Variants in NAALADL2 observed in about 807,000 individuals in gnomAD.
The protein encoded by NAALADL2 is N-acetylated alpha-linked acidic dipeptidase like 2.
Under a neutral mutation model 87.2 loss-of-function variants are expected in NAALADL2, and 76 were observed. That is an observed-to-expected ratio of 0.87 (90% CI 0.72 to 1.05). NAALADL2 has a LOEUF of 1.05. NAALADL2 is among the 50% of genes least tolerant of loss of function. The pLI is 0.00. For synonymous variants in NAALADL2, 354 were observed against 331.0 expected, an observed-to-expected ratio of 1.07 and a Z score of -0.75; for missense variants, 1,089 against 945.8, an observed-to-expected ratio of 1.15 and a Z score of -1.99.
intron 2 of NAALADL2, among the ~76,000 whole-genome samples, chr3:174,728,408 C>T (rs1018272833): frequency 6.6e-6 from 1 of 152,008 alleles, no homozygotes. Context: ...TATTAGGATA[C>T]ACATTGAGAA....
At chr3:174,701,955 T>C (rs1312231550) in intron 2 of NAALADL2, among the ~76,000 whole-genome samples, 1 of 152,194 alleles carries the variant, frequency 6.6e-6, no homozygotes. Context: ...AATAAACACA[T>C]AGGAATAGAA....
At chr3:174,949,567 T>C (rs1740012773) in intron 1 of NAALADL2, among the ~76,000 whole-genome samples, 1 of 152,202 alleles carries the variant, frequency 6.6e-6, no homozygotes, top group Non-Finnish European at 1.5e-5. Flanking sequence ...CACACTACAT[T>C]GACTTTAGTT....
chr3:174,546,907 C>T (rs901716312), intron 1 of NAALADL2, among the ~76,000 whole-genome samples: 2 of 152,086 alleles, frequency 1.3e-5, no homozygotes, highest in Non-Finnish European at 2.9e-5. Flanking sequence ...AATATTGTAT[C>T]TTGTTTCCTG....
chr3:175,737,350 G>A lies in NAALADL2; in HGVS notation c.1941G>A (p.Leu647=). 6.2e-7 allele frequency: 1 copy of A among 1,611,652 alleles called. No individual in the cohort carries two copies. Among genetic ancestry groups the A allele is most frequent in the Non-Finnish European group, 8.5e-7 (1 of 1,178,156 alleles). ...TGCAAATTGCCAACGAACCTGTTCT[G>A]CCCTTTAATGCACTTGATATAGCTT... ...VILQIANEPV[L]PFNALDIALE... The change falls in exon 12 of 14, where the codon CTG becomes CTA. Residue 647 remains leucine, a synonymous_variant. Coordinates refer to ENST00000454872, the MANE Select transcript of NAALADL2 (RefSeq NM_207015.3).
chr3:174,939,093 C>T (rs765876301), intron 1 of NAALADL2, among the ~76,000 whole-genome samples: 1 of 152,034 alleles, frequency 6.6e-6, no homozygotes, highest in Non-Finnish European at 1.5e-5. Context: ...ATTCCTATAT[C>T]CAGGATGGTA....
At position 174,519,523 on chromosome 3, in the gene NAALADL2, G is replaced by T. The variant is rs1033520243; in HGVS notation, c.-183-31046G>T. Among the ~76,000 whole-genome samples, 5 of 151,780 alleles carry T rather than the reference G, an allele frequency of 3.3e-5. No individual in the cohort carries two copies. The East Asian group carries it at 9.7e-4, about 29-fold the overall frequency. On this transcript the variant is annotated intron_variant, in intron 1 of 3. Transcript: ENST00000434257. ...ATTTTGTATTTTTAGTAGAGACAGG[G>T]TTTCTCCATCTTGGTCAGTCTGGTC...
chr3:174,761,893 A>G lies in NAALADL2; in HGVS notation c.-9+24147A>G, dbSNP rs149393245. Among the ~76,000 whole-genome samples the G allele has an allele frequency of 3.0e-3, 453 of 151,532 alleles. 2 individuals carry two copies. Among genetic ancestry groups the G allele is most frequent in the Non-Finnish European group, 4.8e-3 (328 of 67,930 alleles). ...TTTGTCCTTGTGATAGTTTTTTGCAATTACTTTTAATGGCAAAGCCTGCAA... is the reference window on the plus strand; with the variant it reads ...TTTGTCCTTGTGATAGTTTTTTGCAGTTACTTTTAATGGCAAAGCCTGCAA... On this transcript the variant is annotated intron_variant, in intron 3 of 3. Coordinates refer to the NAALADL2 transcript ENST00000434257.
intron 2 of NAALADL2, among the ~76,000 whole-genome samples, chr3:174,684,383 T>A (rs1560142730): frequency 1.3e-5 from 2 of 152,138 alleles, no homozygotes; most frequent in Non-Finnish European, 2.9e-5. Flanking sequence ...ATACCTTTTA[T>A]AAGTTTAACC....
At chr3:175,336,626 A>C (rs988626093) in intron 5 of NAALADL2, among the ~76,000 whole-genome samples, 6 of 152,236 alleles carry the variant, frequency 3.9e-5, no homozygotes, top group African/African-American at 1.4e-4. Context: ...AGCAGGAAAC[A>C]AAACAGCCAG....
intron 1 of NAALADL2, among the ~76,000 whole-genome samples, chr3:174,926,045 A>G (rs1735974320): frequency 6.6e-6 from 1 of 152,212 alleles, no homozygotes; most frequent in African/African-American, 2.4e-5. Flanking sequence ...ATGGCACGAG[A>G]ACTATGTGAG....
At chr3:174,863,619 A>G (rs1026706292) in intron 1 of NAALADL2, among the ~76,000 whole-genome samples, 35 of 151,972 alleles carry the variant, frequency 2.3e-4, no homozygotes, top group African/African-American at 7.5e-4. Flanking sequence ...CTTAGTGTCT[A>G]TGCTTCCAAG....
intron 2 of NAALADL2, among the ~76,000 whole-genome samples, chr3:174,634,548 A>C (rs1311756018): frequency 3.9e-5 from 6 of 152,138 alleles, no homozygotes; most frequent in Admixed American, 3.3e-4. Context: ...ACTTATTTAC[A>C]TATTATTGCA....
intron 11 of NAALADL2, among the ~76,000 whole-genome samples, chr3:175,700,257 T>G (rs775647517): frequency 6.6e-6 from 1 of 152,128 alleles, no homozygotes. Flanking sequence ...CCAGCTTCAG[T>G]TGAGGCCGTT....
upstream of NAALADL2, among the ~76,000 whole-genome samples, chr3:174,855,262 A>G (rs936532484): frequency 1.3e-5 from 2 of 152,304 alleles, no homozygotes; most frequent in South Asian, 2.1e-4. Context: ...CAGCTATGAC[A>G]TTATGACAGC....
intron 13 of NAALADL2, among the ~76,000 whole-genome samples, chr3:175,758,175 T>C (rs1048234465): frequency 4.3e-4 from 65 of 152,196 alleles, no homozygotes; most frequent in African/African-American, 1.4e-3. Flanking sequence ...CACATCATTT[T>C]ATTCATGCTA....
At chr3:175,407,099 G>A (rs759341160) in intron 5 of NAALADL2, among the ~76,000 whole-genome samples, 1 of 151,988 alleles carries the variant, frequency 6.6e-6, no homozygotes, top group Admixed American at 6.6e-5. Flanking sequence ...CAGGAGAATC[G>A]CTTGAACCCA....
chr3:175,725,932 AATG>A (rs1308691525), intron 11 of NAALADL2, among the ~76,000 whole-genome samples: 1 of 152,166 alleles, frequency 6.6e-6, no homozygotes, highest in Non-Finnish European at 1.5e-5. Flanking sequence ...AGTGAAATAT[AATG>A]AAGATTCTTA....
intron 13 of NAALADL2, among the ~76,000 whole-genome samples, chr3:175,758,073 G>T (rs1327488321): frequency 1.3e-5 from 2 of 151,862 alleles, no homozygotes; most frequent in African/African-American, 4.8e-5. Context: ...TTTATTATCC[G>T]TTCAAAAATA....
intron 3 of NAALADL2, among the ~76,000 whole-genome samples, chr3:174,775,866 G>A (rs767731790): frequency 3.3e-5 from 5 of 152,224 alleles, no homozygotes; most frequent in Middle Eastern, 3.4e-3. Flanking sequence ...AGCTGGACAC[G>A]AAGTCTTTCC....
Sources: allele counts gnomAD v4.1 joint callset (sites outside exome capture counted in the v4.1 genomes callset), GRCh38; gene constraint gnomAD v4.1.1; transcripts MANE v1.5; gene names NCBI Gene and HGNC (gene_info 2026-07-23, HGNC 2026-07-21).